The following AGAP1 variants were observed in gnomAD, a reference collection of about 807,000 sequenced individuals.
The protein encoded by AGAP1 is ArfGAP with GTPase domain, ankyrin repeat and PH domain 1.
Under a neutral mutation model 105.3 loss-of-function variants are expected in AGAP1, and 29 were observed. The observed-to-expected ratio is 0.28, with a 90% CI of 0.21 to 0.38. The LOEUF is 0.38. Ranked by LOEUF, AGAP1 falls within the 10% of genes least tolerant of loss-of-function variation. AGAP1 has a pLI of 1.00. For synonymous variants in AGAP1, 509 were observed against 485.9 expected (o/e 1.05, Z -0.63); for missense variants, 998 against 1,165.1 (o/e 0.86, Z 2.09).
chr2:236,058,743 C>A lies in AGAP1; in HGVS notation c.2114+9462C>A, dbSNP rs1431187174. 6.6e-6 allele frequency among the ~76,000 whole-genome samples: 1 copy of A among 152,138 alleles called. No homozygotes were observed. Among genetic ancestry groups the A allele is most frequent in the East Asian group, 1.9e-4 (1 of 5,198 alleles). On this transcript the variant is annotated intron_variant, in intron 16 of 17. Transcript: ENST00000304032. This position sits in a 1 kb window ranked among gnomAD's most constrained non-coding sequence, Gnocchi z 4.6. The stretch of plus-strand genomic sequence containing the variant: ...AGGGAATTAGGCAAGAAGAAGAAAC[C>A]AAAAGCATCCAGATTTGAAAAGAAG...
intron 6 of AGAP1, among the ~76,000 whole-genome samples, chr2:235,791,959 T>C (rs1293259208): frequency 6.6e-6 from 1 of 152,194 alleles, no homozygotes; most frequent in Non-Finnish European, 1.5e-5. Context: ...TTTTAAAATA[T>C]TTTCGTGGAG....
chr2:235,936,990 A>G lies in AGAP1; in HGVS notation c.1483+6067A>G, dbSNP rs1314637814. 6.6e-6 allele frequency among the ~76,000 whole-genome samples: 1 copy of G among 152,062 alleles called. No individual in the cohort carries two copies. Among genetic ancestry groups the G allele is most frequent in the East Asian group, 1.9e-4 (1 of 5,188 alleles). On this transcript the variant is annotated intron_variant, in intron 12 of 17. Transcript: ENST00000304032. The surrounding 1 kb of genome is among the most constrained non-coding windows in gnomAD (Gnocchi z 4.7). ...AGTACTAAAACATTGTATCATAAAA[A>G]TTGTTTGTCTTTTGATAGCGCTTGC...
intron 11 of AGAP1, among the ~76,000 whole-genome samples, chr2:235,928,884 C>T (rs1295321131): frequency 3.3e-5 from 5 of 152,316 alleles, no homozygotes; most frequent in Non-Finnish European, 4.4e-5. Flanking sequence ...CTTAAGATGC[C>T]ACATGCCTGG....
rs1265801450 is a variant in AGAP1 at position 236,105,253 on chromosome 2, AC to A, written c.2115-14936del. Among the ~76,000 whole-genome samples the A allele has an allele frequency of 1.3e-5, 2 of 152,058 alleles. No individual in the cohort carries two copies. Among genetic ancestry groups the A allele is most frequent in the East Asian group, 1.9e-4 (1 of 5,168 alleles). On this transcript the variant is annotated intron_variant, in intron 16 of 17. Coordinates refer to ENST00000304032, the MANE Select transcript of AGAP1 (RefSeq NM_001037131.3). This position sits in a 1 kb window ranked among gnomAD's most constrained non-coding sequence, Gnocchi z 4.2. ...AAATCCAAAACATCCCACTTTAAGA[AC>A]CCTGCATGCACACAGTCTTGCGTCA... is the stretch of plus-strand genomic sequence containing the variant.
In AGAP1 at chr2:235,804,020, C is replaced by CAT. The variant is rs377504000; in HGVS notation, c.958-3219_958-3218insAT. ...TTTTTCAAACATACAGAAATAAACA[C>CAT]GTGTGTACTCACCACACGCTTCATC... On this transcript the variant is annotated intron_variant, in intron 8 of 17. Transcript: ENST00000304032. 8.3e-4 allele frequency among the ~76,000 whole-genome samples: 126 copies of CAT among 152,282 alleles called. 2 individuals carry two copies. The East Asian group carries it at 0.019, about 24-fold the overall frequency.
rs1045554104 is a variant in AGAP1, at chr2:235,664,870, C to A, written c.164-44309C>A. ...ACCTCAACCCTTAGCCAGGTGCAGG[C>A]GTAACAAGGGAGACCCACCTGTGCA... On this transcript the variant is annotated intron_variant, in intron 1 of 17. Coordinates refer to ENST00000304032, the MANE Select transcript of AGAP1 (RefSeq NM_001037131.3). The surrounding 1 kb of genome is among the most constrained non-coding windows in gnomAD (Gnocchi z 5.7). 6.6e-6 allele frequency among the ~76,000 whole-genome samples: 1 copy of A among 151,984 alleles called. No individual in the cohort carries two copies. The highest frequency in any genetic ancestry group is 6.6e-5 in the Admixed American group (1 of 15,252).
intron 9 of AGAP1, among the ~76,000 whole-genome samples, chr2:235,836,022 C>T (rs573618552): frequency 6.6e-6 from 1 of 152,308 alleles, no homozygotes; most frequent in Admixed American, 6.5e-5. Context: ...TGTTCGCCTG[C>T]TGAAACTCTA....
chr2:236,055,146 ACTC>A lies in AGAP1; in HGVS notation c.2114+5869_2114+5871del, dbSNP rs1283122538. On this transcript the variant is annotated intron_variant, in intron 16 of 17. Coordinates refer to ENST00000304032, the MANE Select transcript of AGAP1 (RefSeq NM_001037131.3). This position sits in a 1 kb window ranked among gnomAD's most constrained non-coding sequence, Gnocchi z 6.2. ...CTCTGGGGCTTAATGGTATGAATAA[ACTC>A]CTCTGATTCTATCATCCCGGATGCA... 1.3e-5 allele frequency among the ~76,000 whole-genome samples: 2 copies of A among 151,480 alleles called. No homozygotes were observed. The highest frequency in any genetic ancestry group is 1.9e-4 in the East Asian group (1 of 5,170).
intron 1 of AGAP1, among the ~76,000 whole-genome samples, chr2:235,525,334 A>C (rs145398461): frequency 1.4e-5 from 1 of 69,132 alleles, no homozygotes; most frequent in Non-Finnish European, 2.9e-5. Context: ...GTGGAGGACT[A>C]ATACATAATG....
intron 16 of AGAP1, among the ~76,000 whole-genome samples, chr2:236,085,744 C>T (rs2058912762): frequency 6.6e-6 from 1 of 152,246 alleles, no homozygotes; most frequent in South Asian, 2.1e-4. Flanking sequence ...TGGTGGCCCC[C>T]AGGGGCATCA....
Position 236,045,861 on chromosome 2 carries a change from T to C in AGAP1, c.1892-3198T>C. ...TTCTCCCCTCAGTCAGCCCCAGCCT[T>C]ACCTGTCTCTAAGCAGAGGGTGGTG... On this transcript the variant is annotated intron_variant, in intron 15 of 17. Transcript: ENST00000304032. This position sits in a 1 kb window ranked among gnomAD's most constrained non-coding sequence, Gnocchi z 6.9. The C allele has an allele frequency of 6.8e-6, 3 of 443,808 alleles. No homozygotes were observed. The highest frequency in any genetic ancestry group is 4.9e-5 in the South Asian group (3 of 61,356). 27.5% of individuals were successfully genotyped at this position (443,808 alleles called of 1,614,324 possible).
In AGAP1 at chr2:236,124,905, G is replaced by C. The variant is rs2059979520; in HGVS notation, c.*783G>C. 6.3e-6 allele frequency: 1 copy of C among 157,548 alleles called. No individual in the cohort carries two copies. Among genetic ancestry groups the C allele is most frequent in the Non-Finnish European group, 1.5e-5 (1 of 68,054 alleles). The allele number at this position is 157,548 out of a possible 1,614,324, so 9.8% of individuals were successfully genotyped here. Reference sequence around the variant, plus strand: ...AATTCACTGTCATCATTTAGTATCTGTTTAATTTTTCAGTCCAAAGAGAGG... The same window carrying C: ...AATTCACTGTCATCATTTAGTATCTCTTTAATTTTTCAGTCCAAAGAGAGG... On this transcript the variant is annotated 3_prime_UTR_variant, in exon 18 of 18. Transcript: ENST00000304032. This position sits in a 1 kb window ranked among gnomAD's most constrained non-coding sequence, Gnocchi z 5.1.
intron 1 of AGAP1, among the ~76,000 whole-genome samples, chr2:235,629,424 G>A (rs1288080404): frequency 1.3e-5 from 2 of 151,986 alleles, no homozygotes; most frequent in Non-Finnish European, 2.9e-5. Flanking sequence ...GAGGAAAGTG[G>A]GTGGTGGGAG....
At chr2:235,657,878 T>C (rs560700234) in intron 1 of AGAP1, among the ~76,000 whole-genome samples, 135 of 152,188 alleles carry the variant, frequency 8.9e-4, no homozygotes, top group African/African-American at 3.0e-3. Context: ...TGTGTCCTTA[T>C]AAGAAGAGGA....
At chr2:235,835,125 G>A (rs956391409) in intron 9 of AGAP1, among the ~76,000 whole-genome samples, 3 of 152,200 alleles carry the variant, frequency 2.0e-5, no homozygotes, top group Non-Finnish European at 4.4e-5. Context: ...GGATGGACAG[G>A]TGCCCTCAGT....
chr2:236,052,321 C>CCAAACACA (rs1303491734), intron 16 of AGAP1, among the ~76,000 whole-genome samples: 1 of 152,084 alleles, frequency 6.6e-6, no homozygotes, highest in Non-Finnish European at 1.5e-5. Flanking sequence ...GCCCCCACCC[C>CCAAACACA]CAAACACACA....
At position 236,056,132 on chromosome 2, in the gene AGAP1, T is replaced by A. The variant is rs535885678; in HGVS notation, c.2114+6851T>A. Among the ~76,000 whole-genome samples, 2 of 152,240 alleles carry A rather than the reference T, an allele frequency of 1.3e-5. No homozygotes were observed. The highest frequency in any genetic ancestry group is 1.3e-4 in the Admixed American group (2 of 15,290). On this transcript the variant is annotated intron_variant, in intron 16 of 17. Transcript: ENST00000304032. The surrounding 1 kb of genome is among the most constrained non-coding windows in gnomAD (Gnocchi z 4.6). ...CTGGCTCTAATTATAAGAAAGGTGA[T>A]TCTAAGAAGATTCTCCATGAGGTTA...
intron 1 of AGAP1, among the ~76,000 whole-genome samples, chr2:235,581,015 G>T (rs1405421867): frequency 1.3e-5 from 2 of 151,912 alleles, no homozygotes; most frequent in Non-Finnish European, 2.9e-5. Context: ...AATCCCGTGA[G>T]GTGTGGAGTG....
intron 1 of AGAP1, among the ~76,000 whole-genome samples, chr2:235,634,620 T>C (rs1198689907): frequency 1.3e-5 from 2 of 152,212 alleles, no homozygotes; most frequent in African/African-American, 2.4e-5. Context: ...AGCTGAGCCT[T>C]GTAGGGAATC....
Sources: gnomAD v4.1 joint callset for allele counts (sites outside exome capture counted in the v4.1 genomes callset) on GRCh38, gnomAD v4.1.1 for gene constraint, Gnocchi (gnomAD v3.1) non-coding constraint, MANE v1.5 for transcripts, NCBI Gene and HGNC (gene_info 2026-07-23, HGNC 2026-07-21) for gene names.